ANKHD1: variants seen among roughly 807,000 people sequenced by gnomAD.
The protein encoded by ANKHD1 is ankyrin repeat and KH domain-containing protein 1.
ANKHD1 carries 31 observed loss-of-function variants against 230.5 expected under a neutral mutation model. That is an observed-to-expected ratio of 0.13 (90% confidence interval 0.10 to 0.18). The LOEUF (loss-of-function observed/expected upper bound fraction) is 0.18. Among genes scored for constraint, ANKHD1 ranks in the 10% least tolerant of loss-of-function variants. The pLI, the probability that ANKHD1 is intolerant of heterozygous loss-of-function variation, is 1.00. For synonymous variants in ANKHD1, 1,074 were observed against 1,117.6 expected (o/e 0.96, Z 0.78); for missense variants, 2,256 against 3,071.3 (o/e 0.73, Z 6.27).
intron 15 of ANKHD1, among the ~76,000 whole-genome samples, chr5:140,501,311 C>T (rs1237724193): frequency 6.6e-6 from 1 of 151,684 alleles, no homozygotes. Flanking sequence ...AACTCCTGAC[C>T]TCGTGATCTG....
At chr5:140,523,485 T>A (rs925734594) in intron 24 of ANKHD1, among the ~76,000 whole-genome samples, 7 of 152,152 alleles carry the variant, frequency 4.6e-5, no homozygotes, top group African/African-American at 7.2e-5. Flanking sequence ...GATTTTTTTT[T>A]TATATATTAT....
intron 28 of ANKHD1, 60 bp downstream of exon 28, chr5:140,528,082 G>T (rs2127087800): frequency 6.3e-7 from 1 of 1,590,168 alleles, no homozygotes; most frequent in East Asian, 2.3e-5. Context: ...GCATACCTTT[G>T]TCAGGTATGG....
chr5:140,440,265 A>G lies in ANKHD1; in HGVS notation c.764A>G (p.Gln255Arg). 3 of 1,603,258 alleles carry G rather than the reference A, an allele frequency of 1.9e-6. No homozygotes were observed. The highest frequency in any genetic ancestry group is 2.6e-6 in the Non-Finnish European group (3 of 1,176,012). ...TCAGCAGGGTATTATGAATTAGCAC[A>G]AGTAAGCAGAAATAATCTTTAGTGA... ...ACSAGYYELA[Q>R]VLLAMHANVE... is the part of the protein sequence containing the mutation. The change falls in exon 4 of 34, where the codon CAA (glutamine) becomes CGA (arginine). Residue 255 changes from glutamine (Q) to arginine (R), a missense_variant and splice_region_variant. Gln to Arg is a conservative substitution (Grantham distance 43, BLOSUM62 1). This residue lies in a region of ANKHD1 where 206 missense variants were observed against 304.5 expected (regional missense o/e 0.68). Transcript: ENST00000360839.
At chr5:140,437,339 G>T (rs962081414) in intron 2 of ANKHD1, among the ~76,000 whole-genome samples, 9 of 152,252 alleles carry the variant, frequency 5.9e-5, no homozygotes, top group African/African-American at 1.7e-4. Context: ...TTTCTTACTT[G>T]TGCAAGTATC....
At chr5:140,463,662 T>G (rs369161497) in intron 9 of ANKHD1, among the ~76,000 whole-genome samples, 6 of 152,092 alleles carry the variant, frequency 3.9e-5, no homozygotes, top group East Asian at 1.9e-4. Context: ...TTTTTGGTTT[T>G]GTTTTGTTTT....
rs147299310 is a variant in ANKHD1 at position 140,485,723 on chromosome 5, T to C, written c.2133T>C (p.Asp711=). 6 of 1,613,938 alleles carry C rather than the reference T, an allele frequency of 3.7e-6. No individual in the cohort carries two copies. The African/African-American group carries it at 8.0e-5, about 22-fold the overall frequency. Residue 711 remains aspartate (D), a synonymous_variant, in exon 13 of 34, where the codon GAT becomes GAC. Transcript: ENST00000360839. The surrounding 1 kb of genome is among the most constrained non-coding windows in gnomAD (Gnocchi z 4.8). Reference sequence around the variant, plus strand: ...CTCAGCTCCCTCCACCTTCTCAAGATCAGTCTCAGGTAAAGTAAAATGGAG... The same window carrying C: ...CTCAGCTCCCTCCACCTTCTCAAGACCAGTCTCAGGTAAAGTAAAATGGAG... ...DVSQLPPPSQ[D]QSQVPRVPTH...
chr5:140,501,653 G>A (rs538592801), intron 15 of ANKHD1, among the ~76,000 whole-genome samples: 2 of 152,080 alleles, frequency 1.3e-5, no homozygotes, highest in South Asian at 2.1e-4. Flanking sequence ...GGGAGGCTGA[G>A]GCAGGAGAAT....
chr5:140,427,155 C>G (rs559737719), intron 1 of ANKHD1, among the ~76,000 whole-genome samples: 5 of 149,490 alleles, frequency 3.3e-5, no homozygotes, highest in East Asian at 4.0e-4. Context: ...GCTGACCCCC[C>G]CCACCTCCCT....
chr5:140,402,568 A>C lies in ANKHD1; in HGVS notation c.306+295A>C, dbSNP rs1299400295. ...CTGCCTCCCGCCCACCCTGCTTTGGAGTTGGGGGTGGGGGGCGGGGTCTTG... is the reference window on the plus strand; with the variant it reads ...CTGCCTCCCGCCCACCCTGCTTTGGCGTTGGGGGTGGGGGGCGGGGTCTTG... On this transcript the variant is annotated intron_variant, in intron 1 of 33. Transcript: ENST00000360839. Among the ~76,000 whole-genome samples, 3 of 152,052 alleles carry C rather than the reference A, an allele frequency of 2.0e-5. No individual in the cohort carries two copies. In the East Asian group the frequency reaches 5.8e-4, roughly 29 times the overall value.
chr5:140,479,754 A>G (rs1324490452), intron 10 of ANKHD1, among the ~76,000 whole-genome samples: 1 of 149,644 alleles, frequency 6.7e-6, no homozygotes, highest in Admixed American at 6.7e-5. Flanking sequence ...ACTTATATAT[A>G]TACCTATGTA....
chr5:140,412,581 C>T (rs1233908465), intron 1 of ANKHD1, among the ~76,000 whole-genome samples: 2 of 152,170 alleles, frequency 1.3e-5, no homozygotes, highest in African/African-American at 4.8e-5. Context: ...TTGGAAAGTT[C>T]AGGTCTTTCA....
intron 29 of ANKHD1, among the ~76,000 whole-genome samples, chr5:140,533,242 G>T (rs1471143976): frequency 6.6e-6 from 1 of 152,088 alleles, no homozygotes; most frequent in Non-Finnish European, 1.5e-5. Context: ...GAACCCAGGA[G>T]TTCGAGACCA....
intron 1 of ANKHD1, among the ~76,000 whole-genome samples, chr5:140,429,238 C>A (rs950557187): frequency 1.3e-5 from 2 of 151,242 alleles, no homozygotes; most frequent in Non-Finnish European, 2.9e-5. Context: ...GGACTACAGG[C>A]GCCTGCCACC....
chr5:140,537,321 A>G (rs757904397), intron 30 of ANKHD1, 68 bp from the exon 31 acceptor site: 2 of 1,549,700 alleles, frequency 1.3e-6, no homozygotes, highest in Non-Finnish European at 1.7e-6. Context: ...AACAATAGAG[A>G]AATATTTTGC....
chr5:140,440,394 T>C (rs1773762695), intron 4 of ANKHD1, 128 bp downstream of exon 4: 3 of 1,336,552 alleles, frequency 2.2e-6, no homozygotes, highest in African/African-American at 1.5e-5. Flanking sequence ...TCCTTCCCTT[T>C]TTGGTAGTGG....
At chr5:140,402,529 A>G (rs918121516) in intron 1 of ANKHD1, among the ~76,000 whole-genome samples, 4 of 152,184 alleles carry the variant, frequency 2.6e-5, no homozygotes, top group Admixed American at 1.3e-4. Context: ...GCGCGGGAAC[A>G]GGGACTCCTC....
intron 30 of ANKHD1, 141 bp from the exon 31 acceptor site, chr5:140,537,248 T>C (rs1413675323): frequency 4.0e-5 from 55 of 1,379,036 alleles, no homozygotes; most frequent in Admixed American, 1.2e-4. Flanking sequence ...ACAGAACTTA[T>C]GTTGTGGAAT....
In ANKHD1 at chr5:140,477,618, T is replaced by C. The variant is rs183233868; in HGVS notation, c.1783-4962T>C. ...TTTAGAAATTGAAGGAAAATACTTT[T>C]TCTTTTTGTTTTGAGACGGAGTCTC... On this transcript the variant is annotated intron_variant, in intron 10 of 33. Transcript: ENST00000360839. Among the ~76,000 whole-genome samples the C allele has an allele frequency of 2.6e-3, 398 of 152,290 alleles. 1 individual carries two copies. Among genetic ancestry groups the C allele is most frequent in the Middle Eastern group, 0.014 (4 of 294 alleles).
intron 15 of ANKHD1, among the ~76,000 whole-genome samples, chr5:140,503,468 C>T (rs940815564): frequency 1.3e-5 from 2 of 151,676 alleles, no homozygotes; most frequent in East Asian, 1.9e-4. Flanking sequence ...CCTGTTTCCC[C>T]CCGTGGTCAA....
Sources: allele counts gnomAD v4.1 joint callset (sites outside exome capture counted in the v4.1 genomes callset), GRCh38; gene constraint gnomAD v4.1.1; regional missense constraint gnomAD v4.1.1; non-coding constraint Gnocchi (gnomAD v3.1); transcripts MANE v1.5; gene names NCBI Gene and HGNC (gene_info 2026-07-23, HGNC 2026-07-21).